Variants in PTPRD observed in about 807,000 individuals in gnomAD.
PTPRD encodes the protein receptor-type tyrosine-protein phosphatase delta.
Under a neutral mutation model 214.5 loss-of-function variants are expected in PTPRD, and 34 were observed. The ratio of observed to expected loss-of-function variants is 0.16; its 90% CI spans 0.12 to 0.21. The LOEUF is 0.21. Among genes scored for constraint, PTPRD ranks in the 10% least tolerant of loss-of-function variants. PTPRD has a pLI of 1.00. For missense variants in PTPRD, 2,545 were observed against 2,398.7 expected, an observed-to-expected ratio of 1.06 and a Z score of -1.27; for synonymous variants, 1,128 against 845.7, an observed-to-expected ratio of 1.33 and a Z score of -5.79.
At chr9:8,621,131 T>C (rs1391238964) in intron 14 of PTPRD, among the ~76,000 whole-genome samples, 1 of 151,922 alleles carries the variant, frequency 6.6e-6, no homozygotes, top group African/African-American at 2.4e-5. Flanking sequence ...CAAAGATTCC[T>C]CAACTGCAGG....
chr9:8,403,156 C>T (rs942474252), intron 36 of PTPRD, among the ~76,000 whole-genome samples: 3 of 151,944 alleles, frequency 2.0e-5, no homozygotes, highest in East Asian at 1.9e-4. Context: ...AAATTTTGGA[C>T]GTTGAGGAAG....
intron 2 of PTPRD, among the ~76,000 whole-genome samples, chr9:10,346,474 T>A (rs1167627328): frequency 1.3e-5 from 2 of 152,208 alleles, no homozygotes; most frequent in African/African-American, 4.8e-5. Flanking sequence ...GATACAGTAA[T>A]TTAATAATTT....
At chr9:9,352,032 TCTTAG>T (rs2051398321) in intron 9 of PTPRD, among the ~76,000 whole-genome samples, 1 of 151,882 alleles carries the variant, frequency 6.6e-6, no homozygotes, top group Non-Finnish European at 1.5e-5. Context: ...GGTCCCAAAC[TCTTAG>T]CCCCAAGGAA....
At chr9:9,140,368 T>G (rs1007245092) in intron 10 of PTPRD, among the ~76,000 whole-genome samples, 5 of 152,002 alleles carry the variant, frequency 3.3e-5, no homozygotes, top group Admixed American at 2.6e-4. Context: ...TCCCCACTAT[T>G]TTTTTTATAC....
chr9:10,482,965 G>A (rs1168863238), intron 2 of PTPRD, among the ~76,000 whole-genome samples: 3 of 152,110 alleles, frequency 2.0e-5, no homozygotes, highest in South Asian at 2.1e-4. Context: ...CCAAAAAAGA[G>A]CAGAAATAGC....
rs1554650121 is a variant in PTPRD, at chr9:8,315,950, A to ATAGTT, written c.*1919_*1923dup. 1 of 226,530 alleles carries ATAGTT rather than the reference A, an allele frequency of 4.4e-6. No individual in the cohort carries two copies. Among genetic ancestry groups the ATAGTT allele is most frequent in the Non-Finnish European group, 8.8e-6 (1 of 113,816 alleles). 14.0% of individuals were successfully genotyped at this position (226,530 alleles called of 1,614,324 possible). ...TTGGGGGTAAGATACATATATATAT[A>ATAGTT]TAGTTTATTTCCCCTTTTAGAAAAA... On this transcript the variant is annotated 3_prime_UTR_variant, in exon 46 of 46. Coordinates refer to ENST00000381196, the MANE Select transcript of PTPRD (RefSeq NM_002839.4).
intron 11 of PTPRD, among the ~76,000 whole-genome samples, chr9:8,957,607 T>C (rs2099137974): frequency 6.6e-6 from 1 of 151,918 alleles, no homozygotes; most frequent in South Asian, 2.1e-4. Flanking sequence ...CCTTGTATCT[T>C]TAATCAGTTT....
chr9:8,408,341 G>A (rs571210652), intron 35 of PTPRD, among the ~76,000 whole-genome samples: 9 of 152,192 alleles, frequency 5.9e-5, no homozygotes, highest in Non-Finnish European at 1.2e-4. Flanking sequence ...GTCTGCTGCT[G>A]TTAGTGTTTG....
At chr9:9,131,726 T>C (rs2099842940) in intron 10 of PTPRD, among the ~76,000 whole-genome samples, 1 of 152,194 alleles carries the variant, frequency 6.6e-6, no homozygotes, top group African/African-American at 2.4e-5. Flanking sequence ...ATTGTAAATA[T>C]CATATATGAA....
At chr9:8,988,418 G>GT (rs1316947880) in intron 11 of PTPRD, among the ~76,000 whole-genome samples, 1 of 152,002 alleles carries the variant, frequency 6.6e-6, no homozygotes, top group Admixed American at 6.6e-5. Flanking sequence ...AAGAAAAACC[G>GT]TAAGAAATCC....
At chr9:10,480,420 G>C (rs773496501) in intron 2 of PTPRD, among the ~76,000 whole-genome samples, 49 of 152,118 alleles carry the variant, frequency 3.2e-4, no homozygotes, top group Non-Finnish European at 6.2e-4. Flanking sequence ...AGTATTATAA[G>C]GTAGTATTAC....
intron 11 of PTPRD, among the ~76,000 whole-genome samples, chr9:8,964,190 G>GTT (rs1334290420): frequency 0.024 from 1,284 of 52,570 alleles, 172 homozygotes; most frequent in Non-Finnish European, 0.032. Context: ...GTTCAGGGCT[G>GTT]TGTTTTTTTT....
At chr9:8,630,405 C>G (rs1194096302) in intron 14 of PTPRD, among the ~76,000 whole-genome samples, 1 of 151,814 alleles carries the variant, frequency 6.6e-6, no homozygotes, top group Non-Finnish European at 1.5e-5. Flanking sequence ...TTATTAAACA[C>G]TACTATTAAT....
chr9:10,328,667 G>A (rs1301817534), intron 3 of PTPRD, among the ~76,000 whole-genome samples: 2 of 151,682 alleles, frequency 1.3e-5, no homozygotes, highest in African/African-American at 2.4e-5. Context: ...TTGATTATAC[G>A]TTACATAAGT....
chr9:8,737,945 G>A (rs1324130375), intron 11 of PTPRD, among the ~76,000 whole-genome samples: 2 of 41,354 alleles, frequency 4.8e-5, no homozygotes, highest in Admixed American at 2.7e-4. Flanking sequence ...CACTGCACCC[G>A]GCTCTCTGTC....
intron 2 of PTPRD, among the ~76,000 whole-genome samples, chr9:10,592,414 GA>G (rs1366208527): frequency 6.6e-6 from 1 of 151,984 alleles, no homozygotes; most frequent in African/African-American, 2.4e-5. Context: ...GTGAAGAGGG[GA>G]AAAAATTGTT....
At chr9:8,830,665 A>T (rs1474649890) in intron 11 of PTPRD, among the ~76,000 whole-genome samples, 1 of 152,180 alleles carries the variant, frequency 6.6e-6, no homozygotes, top group Non-Finnish European at 1.5e-5. Flanking sequence ...CTCCCAGTCA[A>T]TACCCAGCAA....
At chr9:8,612,946 G>A (rs967208165) in intron 14 of PTPRD, among the ~76,000 whole-genome samples, 10 of 152,080 alleles carry the variant, frequency 6.6e-5, no homozygotes, top group Non-Finnish European at 2.9e-5. Flanking sequence ...CTACTACCGT[G>A]CCTTCAGACT....
chr9:8,481,206 T>A (rs935784236), intron 30 of PTPRD, among the ~76,000 whole-genome samples: 7 of 151,408 alleles, frequency 4.6e-5, no homozygotes, highest in Admixed American at 4.6e-4. Context: ...TTACACTGAA[T>A]TTATTTTGGG....
Sources: gnomAD v4.1 joint callset for allele counts (sites outside exome capture counted in the v4.1 genomes callset) on GRCh38, gnomAD v4.1.1 for gene constraint, MANE v1.5 for transcripts, NCBI Gene and HGNC (gene_info 2026-07-23, HGNC 2026-07-21) for gene names.